RELN: variants seen among roughly 807,000 people sequenced by gnomAD.
RELN encodes reelin.
A neutral mutation model predicts 427.6 loss-of-function variants in RELN; 108 were observed. The ratio of observed to expected loss-of-function variants is 0.25; its 90% confidence interval spans 0.22 to 0.30. The LOEUF is 0.30. RELN is among the 10% of genes least tolerant of loss of function. RELN has a pLI of 1.00. For missense variants in RELN, 3,715 were observed against 4,302.8 expected, an observed-to-expected ratio of 0.86 and a Z score of 3.82; for synonymous variants, 1,524 against 1,513.4, an observed-to-expected ratio of 1.01 and a Z score of -0.16.
In RELN at chr7:103,667,979, C is replaced by T. The variant is rs546984690; in HGVS notation, c.1290-6452G>A. ...GAGTGGTGGCTCATGCCTGTAATCC[C>T]AGCACTCTGGGAGGCCAAGGTGGGC... On this transcript the variant is annotated intron_variant, in intron 11 of 64. Transcript: ENST00000428762. Among the ~76,000 whole-genome samples the T allele has an allele frequency of 2.0e-5, 3 of 152,284 alleles. No individual in the cohort carries two copies. In the East Asian group the frequency reaches 5.8e-4, roughly 29 times the overall value.
At chr7:103,743,094 T>TG (rs1375153357) in intron 6 of RELN, among the ~76,000 whole-genome samples, 8 of 148,966 alleles carry the variant, frequency 5.4e-5, no homozygotes, top group African/African-American at 2.1e-4. Context: ...CAGAAGAGAG[T>TG]GGGGGCCAAT....
intron 2 of RELN, among the ~76,000 whole-genome samples, chr7:103,903,428 C>G (rs2116625416): frequency 6.6e-6 from 1 of 152,172 alleles, no homozygotes; most frequent in Admixed American, 6.6e-5. Context: ...CATGTAATGA[C>G]CTCCTGCTGT....
intron 2 of RELN, among the ~76,000 whole-genome samples, chr7:103,894,712 G>T (rs919195788): frequency 6.6e-6 from 1 of 152,092 alleles, no homozygotes; most frequent in Admixed American, 6.6e-5. Context: ...GGCAGCTGTG[G>T]ACCAATTTCA....
intron 7 of RELN, among the ~76,000 whole-genome samples, chr7:103,724,120 A>G (rs1790143752): frequency 6.6e-6 from 1 of 152,164 alleles, no homozygotes; most frequent in Non-Finnish European, 1.5e-5. Context: ...TGCAATAGAA[A>G]GTGGATAAGT....
intron 4 of RELN, among the ~76,000 whole-genome samples, chr7:103,775,609 C>T (rs1433116822): frequency 1.3e-5 from 2 of 151,900 alleles, no homozygotes; most frequent in Admixed American, 6.6e-5. Flanking sequence ...TTAACAAATT[C>T]CCCCCCAAAT....
intron 2 of RELN, among the ~76,000 whole-genome samples, chr7:103,889,893 G>T (rs575417833): frequency 1.6e-4 from 25 of 152,136 alleles, no homozygotes; most frequent in Admixed American, 1.2e-3. Flanking sequence ...CACAGAATTT[G>T]TGCCAGCTAA....
chr7:103,934,118 A>C (rs1376691937), intron 1 of RELN, among the ~76,000 whole-genome samples: 1 of 115,162 alleles, frequency 8.7e-6, no homozygotes, highest in Admixed American at 8.9e-5. Context: ...GTTGGTGACC[A>C]CAAAGTGACC....
intron 19 of RELN, among the ~76,000 whole-genome samples, chr7:103,632,295 C>G (rs1005812123): frequency 1.3e-5 from 2 of 152,136 alleles, no homozygotes; most frequent in Admixed American, 6.5e-5. Context: ...ATGGCAAGGG[C>G]CAGAAATTTT....
chr7:103,805,042 G>A (rs1242460602), intron 3 of RELN, among the ~76,000 whole-genome samples: 1 of 151,090 alleles, frequency 6.6e-6, no homozygotes, highest in Non-Finnish European at 1.5e-5. Context: ...TATATAATCA[G>A]GTATATAATA....
chr7:103,760,965 C>A (rs535760351), intron 4 of RELN, among the ~76,000 whole-genome samples: 1 of 151,576 alleles, frequency 6.6e-6, no homozygotes, highest in Non-Finnish European at 1.5e-5. Flanking sequence ...ATTAAGCTTC[C>A]AAAAATGTTA....
chr7:103,526,362 C>G (rs1829822348), intron 46 of RELN, among the ~76,000 whole-genome samples: 1 of 152,062 alleles, frequency 6.6e-6, no homozygotes, highest in South Asian at 2.1e-4. Flanking sequence ...GGGAGTTGGC[C>G]CCTCAGGAGC....
chr7:103,823,178 C>T (rs1453093926), intron 3 of RELN, among the ~76,000 whole-genome samples: 1 of 151,844 alleles, frequency 6.6e-6, no homozygotes, highest in Non-Finnish European at 1.5e-5. Context: ...TTAGCACTTG[C>T]CTGGTATGTT....
intron 8 of RELN, among the ~76,000 whole-genome samples, chr7:103,708,216 A>G (rs1834246816): frequency 6.6e-6 from 1 of 152,230 alleles, no homozygotes; most frequent in Non-Finnish European, 1.5e-5. Flanking sequence ...GAAATAATCA[A>G]TCAATTCATC....
At chr7:103,707,575 T>G (rs1834232582) in intron 8 of RELN, among the ~76,000 whole-genome samples, 1 of 151,946 alleles carries the variant, frequency 6.6e-6, no homozygotes, top group Non-Finnish European at 1.5e-5. Flanking sequence ...CTCGGCTCAC[T>G]GCAATCTTTG....
chr7:103,486,551 T>C, intron 60 of RELN, 135 bp from the exon 61 acceptor site: 1 of 643,846 alleles, frequency 1.6e-6, no homozygotes, highest in Non-Finnish European at 2.6e-6. Context: ...TAAACAACTT[T>C]ACAAAAAAAA....
chr7:103,769,403 G>C (rs1267830244), intron 4 of RELN, among the ~76,000 whole-genome samples: 1 of 152,024 alleles, frequency 6.6e-6, no homozygotes, highest in East Asian at 1.9e-4. Context: ...CATCATCAAA[G>C]GCACCTTCTT....
At position 103,640,661 on chromosome 7, in the gene RELN, T is replaced by C; in HGVS notation, c.2003-52A>G. The C allele has an allele frequency of 1.3e-6, 2 of 1,580,494 alleles. No homozygotes were observed. The highest frequency in any genetic ancestry group is 2.7e-5 in the African/African-American group (2 of 74,226). ...TTACAAAAACATAGAACACTACCAGTACAATTTTGTGAAGTAATACTCATG... is the reference window on the plus strand; with the variant it reads ...TTACAAAAACATAGAACACTACCAGCACAATTTTGTGAAGTAATACTCATG... On this transcript the variant is annotated intron_variant, in intron 16 of 64. Transcript: ENST00000428762. The surrounding 1 kb of genome is among the most constrained non-coding windows in gnomAD (Gnocchi z 4.1).
At chr7:103,597,144 C>T (rs1831556243) in intron 24 of RELN, among the ~76,000 whole-genome samples, 1 of 152,120 alleles carries the variant, frequency 6.6e-6, no homozygotes, top group African/African-American at 2.4e-5. Context: ...ATACCTTCCT[C>T]ATATGGTGTT....
intron 7 of RELN, among the ~76,000 whole-genome samples, chr7:103,727,402 A>T (rs997519271): frequency 6.6e-6 from 1 of 152,180 alleles, no homozygotes; most frequent in African/African-American, 2.4e-5. Flanking sequence ...ATTATTTTCC[A>T]GAAGGTAAAA....
Sources: allele counts gnomAD v4.1 joint callset (sites outside exome capture counted in the v4.1 genomes callset), GRCh38; gene constraint gnomAD v4.1.1; non-coding constraint Gnocchi (gnomAD v3.1); transcripts MANE v1.5; gene names NCBI Gene and HGNC (gene_info 2026-07-23, HGNC 2026-07-21).